ADAMTS16: variants seen among roughly 807,000 people sequenced by gnomAD.
ADAMTS16 encodes the protein ADAM metallopeptidase with thrombospondin type 1 motif 16.
A neutral mutation model predicts 145.8 loss-of-function variants in ADAMTS16; 94 were observed. The observed-to-expected ratio is 0.64, with a 90% CI of 0.55 to 0.77. ADAMTS16 has a LOEUF of 0.77. Ranked by LOEUF, ADAMTS16 falls within the 30% of genes least tolerant of loss-of-function variation. The pLI, the probability that ADAMTS16 is intolerant of heterozygous loss-of-function variation, is 0.00. For missense variants in ADAMTS16, 1,585 were observed against 1,591.5 expected (o/e 1.00, Z 0.07); for synonymous variants, 659 against 604.3 (o/e 1.09, Z -1.33).
chr5:5,299,505 G>A (rs1278329961), intron 18 of ADAMTS16, among the ~76,000 whole-genome samples: 1 of 100,816 alleles, frequency 9.9e-6, no homozygotes, highest in Non-Finnish European at 2.2e-5. Context: ...AAACCAAAAT[G>A]TCATTTTAAT....
chr5:5,243,995 G>C (rs1238309977), intron 17 of ADAMTS16, among the ~76,000 whole-genome samples: 1 of 152,190 alleles, frequency 6.6e-6, no homozygotes, highest in South Asian at 2.1e-4. Flanking sequence ...AGTGAGTTCT[G>C]TTTGTTTTTA....
intron 4 of ADAMTS16, among the ~76,000 whole-genome samples, chr5:5,182,735 A>G (rs545664290): frequency 1.3e-5 from 2 of 152,344 alleles, no homozygotes; most frequent in African/African-American, 2.4e-5. Flanking sequence ...GGGCAGACTC[A>G]GTGTGACATA....
chr5:5,301,577 G>A (rs13187616), intron 18 of ADAMTS16, among the ~76,000 whole-genome samples: 112,413 of 152,168 alleles, frequency 0.74, 41,945 homozygotes, highest in South Asian at 0.82. Context: ...TGCCATTCTC[G>A]AGAACACTTC....
rs747814880 is a variant in ADAMTS16 at position 5,209,180 on chromosome 5, T to A, written c.1539T>A (p.Asp513Glu). 5 of 1,614,092 alleles carry A rather than the reference T, an allele frequency of 3.1e-6. No individual in the cohort carries two copies. Among genetic ancestry groups the A allele is most frequent in the African/African-American group, 1.3e-5 (1 of 75,060 alleles). The change falls in exon 10 of 23, where the codon GAT becomes GAA. Residue 513 changes from aspartate (D) to glutamate (E), a missense_variant. By Grantham distance (45) the Asp-to-Glu change is conservative (BLOSUM62 2). Coordinates refer to ENST00000274181, the MANE Select transcript of ADAMTS16 (RefSeq NM_139056.4). The stretch of plus-strand genomic sequence containing the variant: ...AGAAATTGCCAGGAGAATTATATGA[T>A]GCAAACACACAGTGCAAGTGGCAGT... ...YPEKLPGELY[D>E]ANTQCKWQFG...
At chr5:5,231,212 T>C (rs13186769) in intron 11 of ADAMTS16, among the ~76,000 whole-genome samples, 37,374 of 152,044 alleles carry the variant, frequency 0.25, 5,087 homozygotes, top group Middle Eastern at 0.38. Flanking sequence ...ATGGAAGAGA[T>C]GATGTTGTTT....
chr5:5,245,227 GTTAAA>G (rs1737404069), intron 17 of ADAMTS16, among the ~76,000 whole-genome samples: 1 of 152,158 alleles, frequency 6.6e-6, no homozygotes, highest in Non-Finnish European at 1.5e-5. Context: ...AATTTCAAAA[GTTAAA>G]TCAGATGATT....
At chr5:5,219,401 A>G (rs907191192) in intron 10 of ADAMTS16, among the ~76,000 whole-genome samples, 1 of 151,982 alleles carries the variant, frequency 6.6e-6, no homozygotes, top group African/African-American at 2.4e-5. Context: ...CCTCCACTAC[A>G]CTTCTCAGCC....
intron 3 of ADAMTS16, among the ~76,000 whole-genome samples, chr5:5,149,129 T>A (rs1333979316): frequency 1.3e-5 from 2 of 152,196 alleles, no homozygotes; most frequent in African/African-American, 2.4e-5. Context: ...AACCCAAGTA[T>A]AATATATTCA....
Position 5,239,808 on chromosome 5 carries a change from C to CGT in ADAMTS16, c.2408_2409dup (p.Asp804TrpfsTer26). 1 of 1,613,936 alleles carries CGT rather than the reference C, an allele frequency of 6.2e-7. No homozygotes were observed. ...GGTACTACCTGAATGGGCACTGGAC[C>CGT]GTGGACTGGCCCGGCCGGTACAAAT... On this transcript the variant is annotated frameshift_variant, in exon 16 of 23. Coordinates refer to ENST00000274181, the MANE Select transcript of ADAMTS16 (RefSeq NM_139056.4). LOFTEE classifies it high-confidence loss of function.
intron 18 of ADAMTS16, among the ~76,000 whole-genome samples, chr5:5,267,354 G>A (rs564725897): frequency 3.9e-5 from 6 of 152,256 alleles, no homozygotes; most frequent in Admixed American, 6.5e-5. Flanking sequence ...CTGGGTTATC[G>A]CCTTGGTGTG....
chr5:5,286,063 T>C (rs187121866), intron 18 of ADAMTS16, among the ~76,000 whole-genome samples: 2 of 152,328 alleles, frequency 1.3e-5, no homozygotes, highest in Admixed American at 1.3e-4. Flanking sequence ...CTGTTCTACA[T>C]ATGACCCTTC....
chr5:5,183,711 G>C (rs1473962785), intron 4 of ADAMTS16, among the ~76,000 whole-genome samples: 9 of 152,232 alleles, frequency 5.9e-5, no homozygotes, highest in Admixed American at 5.9e-4. Flanking sequence ...AGCTCTGTGT[G>C]CAAGGCAGTA....
intron 22 of ADAMTS16, 151 bp downstream of exon 22, chr5:5,318,432 C>A (rs1734145881): frequency 3.5e-6 from 3 of 855,034 alleles, no homozygotes. Flanking sequence ...ATGAAATGGT[C>A]CATAGAGCAG....
At position 5,200,157 on chromosome 5, in the gene ADAMTS16, G is replaced by C; in HGVS notation, c.1339G>C (p.Gly447Arg). Residue 447 changes from glycine (G) to arginine (R), a missense_variant, in exon 9 of 23, where the codon GGG becomes CGG. Physicochemically the swap from Gly to Arg is moderately radical, Grantham distance 125 (BLOSUM62 -2). Coordinates refer to ENST00000274181, the MANE Select transcript of ADAMTS16 (RefSeq NM_139056.4). ...CTTTGGCATGATTCATGATGGAGAA[G>C]GGAACATGTGCAAAAAGTCCGAGGG... ...HNFGMIHDGEGNMCKKSEGNI... is the reference protein window; with the variant it reads ...HNFGMIHDGERNMCKKSEGNI... The C allele has an allele frequency of 6.2e-7, 1 of 1,612,900 alleles. No individual in the cohort carries two copies. The highest frequency in any genetic ancestry group is 8.5e-7 in the Non-Finnish European group (1 of 1,179,500).
At chr5:5,199,053 A>G (rs554419338) in intron 8 of ADAMTS16, among the ~76,000 whole-genome samples, 1 of 152,244 alleles carries the variant, frequency 6.6e-6, no homozygotes, top group East Asian at 1.9e-4. Context: ...ATTTACCTTA[A>G]TGAGAGGTCT....
rs1248230131 is a variant in ADAMTS16, at chr5:5,140,463, C to T, written c.-5C>T. ...GTGGCCCCTAGCCCCTCGGAGCGCT[C>T]CTGGATGAAGCCCCGCGCGCGCGGA... On this transcript the variant is annotated 5_prime_UTR_variant, in exon 1 of 23. Coordinates refer to ENST00000274181, the MANE Select transcript of ADAMTS16 (RefSeq NM_139056.4). 2.0e-6 allele frequency: 3 copies of T among 1,510,672 alleles called. No individual in the cohort carries two copies. The highest frequency in any genetic ancestry group is 2.7e-5 in the East Asian group (1 of 37,168). 93.6% of individuals were successfully genotyped at this position (1,510,672 alleles called of 1,614,324 possible).
At chr5:5,260,981 C>T (rs1007155936) in intron 17 of ADAMTS16, among the ~76,000 whole-genome samples, 6 of 152,194 alleles carry the variant, frequency 3.9e-5, no homozygotes, top group Admixed American at 3.3e-4. Context: ...GAGTTGTACA[C>T]GGCTTGGGCT....
intron 16 of ADAMTS16, 84 bp from the exon 17 acceptor site, chr5:5,241,969 T>G (rs970581196): frequency 1.4e-6 from 2 of 1,466,046 alleles, no homozygotes; most frequent in Non-Finnish European, 1.9e-6. Flanking sequence ...TTGATTATTG[T>G]TTTAAGTAGT....
intron 8 of ADAMTS16, among the ~76,000 whole-genome samples, chr5:5,193,959 A>G (rs1208876669): frequency 2.0e-5 from 3 of 151,878 alleles, no homozygotes; most frequent in Admixed American, 2.0e-4. Context: ...AAAATTAGCC[A>G]GGCATGGTGG....
Sources: gnomAD v4.1 joint callset for allele counts (sites outside exome capture counted in the v4.1 genomes callset) on GRCh38, gnomAD v4.1.1 for gene constraint, MANE v1.5 for transcripts, NCBI Gene and HGNC (gene_info 2026-07-23, HGNC 2026-07-21) for gene names.